Variants in IRGM observed in about 807,000 individuals in gnomAD.
IRGM encodes immunity-related GTPase family M protein.
For missense variants in IRGM, 288 were observed against 219.9 expected, an observed-to-expected ratio of 1.31 and a Z score of -1.96; for synonymous variants, 98 against 80.6, an observed-to-expected ratio of 1.22 and a Z score of -1.16.
chr5:150,885,338 TTGGGTA>T lies in IRGM; in HGVS notation c.*140+5693_*140+5698del, dbSNP rs1383163174. Among the ~76,000 whole-genome samples the T allele has an allele frequency of 1.3e-4, 20 of 152,208 alleles. No homozygotes were observed. The East Asian group carries it at 2.9e-3, about 22-fold the overall frequency. ...TGCAGCACTGTAGTATAGTTTGAAG[TTGGGTA>T]ACATAATGCCTCCAGCTTTGTTCTT... On this transcript the variant is annotated intron_variant and NMD_transcript_variant, in intron 3 of 3. Transcript: ENST00000520549.
At chr5:150,890,910 C>G (rs905909357) in intron 3 of IRGM, among the ~76,000 whole-genome samples, 4 of 151,846 alleles carry the variant, frequency 2.6e-5, no homozygotes, top group African/African-American at 9.7e-5. Context: ...TGTATTGTAC[C>G]ATTTTGGGGT....
At chr5:150,886,644 A>G (rs533174953) in intron 3 of IRGM, among the ~76,000 whole-genome samples, 12 of 152,192 alleles carry the variant, frequency 7.9e-5, no homozygotes, top group African/African-American at 2.9e-4. Context: ...GTATACGTCT[A>G]GGAATTTACC....
chr5:150,851,613 A>AT (rs1156855689), downstream of IRGM, among the ~76,000 whole-genome samples: 1 of 152,218 alleles, frequency 6.6e-6, no homozygotes, highest in Non-Finnish European at 1.5e-5. Flanking sequence ...CCATTGAATC[A>AT]TTTGTATATT....
chr5:150,893,604 CA>C (rs2113302859), intron 3 of IRGM, among the ~76,000 whole-genome samples: 1 of 152,166 alleles, frequency 6.6e-6, no homozygotes, highest in Non-Finnish European at 1.5e-5. Flanking sequence ...ATATAAAGAA[CA>C]GACCATCAGA....
In IRGM at chr5:150,883,104, T is replaced by C. The variant is rs571102132; in HGVS notation, c.*140+3458T>C. Among the ~76,000 whole-genome samples the C allele has an allele frequency of 7.9e-5, 12 of 152,082 alleles. No homozygotes were observed. The South Asian group carries it at 1.7e-3, about 21-fold the overall frequency. Reference sequence around the variant, plus strand: ...CATATTTCATGGAAATTAAACAGCATGCTAACAACCAATGGATCAATGAAT... The same window carrying C: ...CATATTTCATGGAAATTAAACAGCACGCTAACAACCAATGGATCAATGAAT... On this transcript the variant is annotated intron_variant and NMD_transcript_variant, in intron 3 of 3. Coordinates refer to the IRGM transcript ENST00000520549.
chr5:150,862,226 G>T (rs1417861164), intron 1 of IRGM, among the ~76,000 whole-genome samples: 4 of 152,184 alleles, frequency 2.6e-5, no homozygotes, highest in African/African-American at 9.7e-5. Flanking sequence ...CAACATAACA[G>T]AATATGTCAT....
chr5:150,856,239 T>C (rs959925513), intron 1 of IRGM, among the ~76,000 whole-genome samples: 13 of 152,054 alleles, frequency 8.5e-5, no homozygotes, highest in Non-Finnish European at 1.8e-4. Context: ...AAGACAATCC[T>C]AGCCAACATG....
At chr5:150,870,355 A>T (rs915916231) in intron 1 of IRGM, among the ~76,000 whole-genome samples, 41 of 152,084 alleles carry the variant, frequency 2.7e-4, no homozygotes, top group African/African-American at 8.2e-4. Context: ...TTGATTTTTG[A>T]CAAAGCTCAT....
intron 1 of IRGM, among the ~76,000 whole-genome samples, chr5:150,867,694 T>C (rs1754227166): frequency 6.6e-6 from 1 of 152,180 alleles, no homozygotes. Context: ...TAAGATAGTA[T>C]TGCATTGTGG....
chr5:150,886,151 T>C (rs898838471), intron 3 of IRGM, among the ~76,000 whole-genome samples: 4 of 152,276 alleles, frequency 2.6e-5, no homozygotes, highest in Admixed American at 2.0e-4. Context: ...TCTTCATCTA[T>C]TGAGATAATC....
At chr5:150,856,549 G>A (rs950503406) in intron 1 of IRGM, among the ~76,000 whole-genome samples, 1 of 152,050 alleles carries the variant, frequency 6.6e-6, no homozygotes, top group East Asian at 1.9e-4. Context: ...TGTTAACTGT[G>A]ATGTTGGTAA....
intron 1 of IRGM, among the ~76,000 whole-genome samples, chr5:150,859,595 C>G (rs1754107618): frequency 6.6e-6 from 1 of 152,178 alleles, no homozygotes; most frequent in South Asian, 2.1e-4. Flanking sequence ...ATTATTGCCT[C>G]AATTTCAGAG....
Position 150,847,954 on chromosome 5 carries a change from C to T in IRGM, c.-170C>T, listed in dbSNP as rs1210373749. 1 of 592,986 alleles carries T rather than the reference C, an allele frequency of 1.7e-6. No homozygotes were observed. The highest frequency in any genetic ancestry group is 3.0e-6 in the Non-Finnish European group (1 of 337,056). The allele number at this position is 592,986 out of a possible 1,614,324, so 36.7% of individuals were successfully genotyped here. On this transcript the variant is annotated 5_prime_UTR_variant, in exon 2 of 2. Coordinates refer to ENST00000522154, the MANE Select transcript of IRGM (RefSeq NM_001145805.2). ...TATTAGCTGGGACTACAGGCGCACACCACCACGCGCAGCTAATTTTTTTGT... is the reference window on the plus strand; with the variant it reads ...TATTAGCTGGGACTACAGGCGCACATCACCACGCGCAGCTAATTTTTTTGT...
intron 1 of IRGM, among the ~76,000 whole-genome samples, chr5:150,855,752 G>A (rs1174655509): frequency 2.0e-5 from 3 of 152,060 alleles, no homozygotes; most frequent in Non-Finnish European, 4.4e-5. Flanking sequence ...GATAAAATGA[G>A]AAACAGTGAA....
intron 1 of IRGM, among the ~76,000 whole-genome samples, chr5:150,860,216 A>G (rs1754117343): frequency 6.6e-6 from 1 of 152,258 alleles, no homozygotes; most frequent in Admixed American, 6.5e-5. Flanking sequence ...TTCATACAAG[A>G]AACACAAAGT....
At position 150,847,794 on chromosome 5, in the gene IRGM, A is replaced by C; in HGVS notation, c.-330A>C. The C allele has an allele frequency of 4.1e-6, 1 of 244,486 alleles. No homozygotes were observed. 15.1% of individuals were successfully genotyped at this position (244,486 alleles called of 1,614,324 possible). A position where few individuals can be genotyped will look rare whatever the true frequency, so the allele number is the denominator to read the frequency against. ...TGCATCCTTAACCTCTTTTTGCCAC[A>C]CCATAAGCATTGGGTTTTGTTTGTT... On this transcript the variant is annotated 5_prime_UTR_variant, in exon 2 of 2. Transcript: ENST00000522154.
At chr5:150,880,158 T>C (rs1166751661) in intron 3 of IRGM, among the ~76,000 whole-genome samples, 1 of 152,098 alleles carries the variant, frequency 6.6e-6, no homozygotes, top group Non-Finnish European at 1.5e-5. Flanking sequence ...TATAATTGTT[T>C]ATTTAAGCTT....
chr5:150,860,744 G>C (rs1008360824), intron 1 of IRGM, among the ~76,000 whole-genome samples: 1 of 152,156 alleles, frequency 6.6e-6, no homozygotes, highest in Admixed American at 6.5e-5. Flanking sequence ...TCCCAACTTA[G>C]TGCCTCTGCA....
In IRGM at chr5:150,848,479, C is replaced by T; in HGVS notation, c.356C>T (p.Ala119Val). ...QFNRYDFIMV[A>V]SAQFSMNHVM... ...AACCGGTATGACTTCATCATGGTTGCATCTGCACAATTCAGCATGAATCAT... is the reference window on the plus strand; with the variant it reads ...AACCGGTATGACTTCATCATGGTTGTATCTGCACAATTCAGCATGAATCAT... Residue 119 changes from alanine to valine, a missense_variant, in exon 2 of 2, where the codon GCA becomes GTA. Coordinates refer to ENST00000522154, the MANE Select transcript of IRGM (RefSeq NM_001145805.2). 2 of 1,551,806 alleles carry T rather than the reference C, an allele frequency of 1.3e-6. No individual in the cohort carries two copies. The highest frequency in any genetic ancestry group is 8.7e-7 in the Non-Finnish European group (1 of 1,146,964).
Sources: gnomAD v4.1 joint callset for allele counts (sites outside exome capture counted in the v4.1 genomes callset) on GRCh38, gnomAD v4.1.1 for gene constraint, MANE v1.5 for transcripts, NCBI Gene and HGNC (gene_info 2026-07-23, HGNC 2026-07-21) for gene names.